Variants in ZCCHC4 observed in about 807,000 individuals in gnomAD.
ZCCHC4 encodes zinc finger CCHC-type containing 4, also known as rRNA N(6)-adenosine-methyltransferase ZCCHC4.
A neutral mutation model predicts 67.7 loss-of-function variants in ZCCHC4; 54 were observed. That is an observed-to-expected ratio of 0.80 (90% CI 0.64 to 1.00). The LOEUF (loss-of-function observed/expected upper bound fraction) is 1.00. Ranked by LOEUF, ZCCHC4 falls within the 50% of genes least tolerant of loss-of-function variation. ZCCHC4 has a pLI of 0.00. For missense variants in ZCCHC4, 609 were observed against 617.0 expected (o/e 0.99, Z 0.14); for synonymous variants, 198 against 213.5 (o/e 0.93, Z 0.63).
At chr4:25,322,814 G>C (rs1718653770) in intron 3 of ZCCHC4, among the ~76,000 whole-genome samples, 1 of 152,078 alleles carries the variant, frequency 6.6e-6, no homozygotes, top group Non-Finnish European at 1.5e-5. Context: ...CGCTGCACCT[G>C]GCCTGAATTG....
chr4:25,356,042 G>A (rs1720503069), intron 8 of ZCCHC4, among the ~76,000 whole-genome samples: 1 of 152,280 alleles, frequency 6.6e-6, no homozygotes, highest in Non-Finnish European at 1.5e-5. Context: ...TGACATGGAC[G>A]TCTCGGTCTC....
At position 25,370,079 on chromosome 4, in the gene ZCCHC4, C is replaced by A. The variant is rs1207523521; in HGVS notation, c.*915C>A. Reference sequence around the variant, plus strand: ...GTTGTCCTCTGACGGTCTAGAATCACTTAAATGCTTGTTGAATGAGTGAGA... The same window carrying A: ...GTTGTCCTCTGACGGTCTAGAATCAATTAAATGCTTGTTGAATGAGTGAGA... On this transcript the variant is annotated 3_prime_UTR_variant, in exon 13 of 13. Coordinates refer to ENST00000302874, the MANE Select transcript of ZCCHC4 (RefSeq NM_024936.3). 1 of 152,182 alleles carries A rather than the reference C, an allele frequency of 6.6e-6. No individual in the cohort carries two copies. Among genetic ancestry groups the A allele is most frequent in the African/African-American group, 2.4e-5 (1 of 41,458 alleles). 9.4% of individuals were successfully genotyped at this position (152,182 alleles called of 1,614,324 possible). A position where few individuals can be genotyped will look rare whatever the true frequency, so the allele number is the denominator to read the frequency against.
intron 3 of ZCCHC4, among the ~76,000 whole-genome samples, chr4:25,331,266 G>T (rs1313012669): frequency 1.3e-5 from 2 of 152,040 alleles, no homozygotes; most frequent in East Asian, 3.9e-4. Context: ...TGGTAAATCT[G>T]GTCTCTGTTA....
At chr4:25,366,146 T>C in intron 12 of ZCCHC4, 1 of 983,470 alleles carries the variant, frequency 1.0e-6, no homozygotes, top group East Asian at 1.1e-4. Context: ...TATTTATTTG[T>C]GGTCAGTGAA....
chr4:25,321,207 T>C (rs911930944), intron 3 of ZCCHC4, among the ~76,000 whole-genome samples: 21 of 152,162 alleles, frequency 1.4e-4, no homozygotes, highest in African/African-American at 4.3e-4. Flanking sequence ...TCACTCTTGC[T>C]GCCGCTCTTT....
At chr4:25,317,925 A>C (rs1363700881) in intron 3 of ZCCHC4, among the ~76,000 whole-genome samples, 1 of 152,188 alleles carries the variant, frequency 6.6e-6, no homozygotes, top group East Asian at 1.9e-4. Context: ...GATTGTTTTT[A>C]AATGTAAAAG....
At chr4:25,354,735 C>T (rs1383792873) in intron 8 of ZCCHC4, among the ~76,000 whole-genome samples, 4 of 151,870 alleles carry the variant, frequency 2.6e-5, no homozygotes, top group Non-Finnish European at 4.4e-5. Flanking sequence ...TGGGCTGAAG[C>T]GAGCCTCTCA....
chr4:25,365,789 G>C (rs574999479), intron 12 of ZCCHC4: 1 of 985,226 alleles, frequency 1.0e-6, no homozygotes, highest in Non-Finnish European at 1.2e-6. Flanking sequence ...TTTAGAAGAG[G>C]CACTGCTTCT....
chr4:25,312,939 G>T lies in ZCCHC4; in HGVS notation c.127+3G>T. ...CCCCGCCCCGCTGTGCCCTCACGGTGGGTCAGAGTCTGGGCTCAGCCTAAC... is the reference window on the plus strand; with the variant it reads ...CCCCGCCCCGCTGTGCCCTCACGGTTGGTCAGAGTCTGGGCTCAGCCTAAC... On this transcript the variant is annotated splice_donor_region_variant and intron_variant, in intron 1 of 12. Coordinates refer to ENST00000302874, the MANE Select transcript of ZCCHC4 (RefSeq NM_024936.3). The T allele has an allele frequency of 6.2e-7, 1 of 1,611,930 alleles. No individual in the cohort carries two copies. Among genetic ancestry groups the T allele is most frequent in the South Asian group, 1.1e-5 (1 of 91,018 alleles).
At chr4:25,327,719 C>T (rs976267680) in intron 3 of ZCCHC4, among the ~76,000 whole-genome samples, 10 of 152,048 alleles carry the variant, frequency 6.6e-5, no homozygotes, top group Non-Finnish European at 1.0e-4. Flanking sequence ...GGGCTCAAGC[C>T]GTCCTCCTGC....
rs774186905 is a variant in ZCCHC4, at chr4:25,345,531, CTG to C, written c.687-15_687-14del. On this transcript the variant is annotated splice_polypyrimidine_tract_variant and intron_variant, in intron 5 of 12. Coordinates refer to ENST00000302874, the MANE Select transcript of ZCCHC4 (RefSeq NM_024936.3). ...TATAGCTGTGACTGGGCAAATAACT[CTG>C]TAATTATTTTACAGGTATTCACAGT... 1.7e-5 allele frequency: 23 copies of C among 1,359,324 alleles called. No individual in the cohort carries two copies. Among genetic ancestry groups the C allele is most frequent in the African/African-American group, 2.9e-5 (2 of 70,030 alleles). 84.2% of individuals were successfully genotyped at this position (1,359,324 alleles called of 1,614,324 possible).
chr4:25,360,495 C>T (rs764884998), intron 8 of ZCCHC4, among the ~76,000 whole-genome samples: 2 of 152,158 alleles, frequency 1.3e-5, no homozygotes, highest in Non-Finnish European at 2.9e-5. Flanking sequence ...CATATGCTGC[C>T]GTTCAGATTC....
At chr4:25,335,265 G>A (rs914503219) in intron 5 of ZCCHC4, among the ~76,000 whole-genome samples, 1 of 152,142 alleles carries the variant, frequency 6.6e-6, no homozygotes, top group African/African-American at 2.4e-5. Flanking sequence ...TAGCCAACAT[G>A]GTGAAACCCT....
At chr4:25,334,306 T>G (rs1719342414) in intron 5 of ZCCHC4, among the ~76,000 whole-genome samples, 1 of 152,250 alleles carries the variant, frequency 6.6e-6, no homozygotes, top group African/African-American at 2.4e-5. Context: ...CAAAGATAAT[T>G]CTAAACTGCC....
chr4:25,353,572 A>G (rs1199554183), intron 8 of ZCCHC4, among the ~76,000 whole-genome samples: 1 of 152,216 alleles, frequency 6.6e-6, no homozygotes, highest in East Asian at 1.9e-4. Context: ...GCCTTTGGCA[A>G]TGGATGGTCA....
At chr4:25,338,075 T>C (rs994111731) in intron 5 of ZCCHC4, among the ~76,000 whole-genome samples, 3 of 152,222 alleles carry the variant, frequency 2.0e-5, no homozygotes, top group Non-Finnish European at 1.5e-5. Context: ...TTGAAAACTT[T>C]TCCTGCTGGT....
At chr4:25,338,307 T>C (rs1259562114) in intron 5 of ZCCHC4, among the ~76,000 whole-genome samples, 2 of 152,218 alleles carry the variant, frequency 1.3e-5, no homozygotes, top group Non-Finnish European at 2.9e-5. Context: ...TTGCCCAAGA[T>C]AGTCTTAAAC....
At chr4:25,318,611 T>A (rs1696112032) in intron 3 of ZCCHC4, among the ~76,000 whole-genome samples, 1 of 151,730 alleles carries the variant, frequency 6.6e-6, no homozygotes, top group African/African-American at 2.4e-5. Flanking sequence ...CATCTTGACC[T>A]CCCAAAGTGC....
intron 5 of ZCCHC4, among the ~76,000 whole-genome samples, chr4:25,340,430 G>T (rs982638270): frequency 6.6e-6 from 1 of 151,522 alleles, no homozygotes; most frequent in Non-Finnish European, 1.5e-5. Context: ...TGGGAAGTAT[G>T]AGTCTTCCTA....
Sources: allele counts gnomAD v4.1 joint callset (sites outside exome capture counted in the v4.1 genomes callset), GRCh38; gene constraint gnomAD v4.1.1; transcripts MANE v1.5; gene names NCBI Gene and HGNC (gene_info 2026-07-23, HGNC 2026-07-21).